Variants in GBP2 observed in about 807,000 individuals in gnomAD.
The protein encoded by GBP2 is guanylate-binding protein 2.
Under a neutral mutation model 60.8 loss-of-function variants are expected in GBP2, and 54 were observed. The observed-to-expected ratio is 0.89, with a 90% confidence interval of 0.71 to 1.11. The LOEUF is 1.11. GBP2 is among the 50% of genes most tolerant of loss of function. GBP2 has a pLI of 0.00. For synonymous variants in GBP2, 243 were observed against 256.5 expected, an observed-to-expected ratio of 0.95 and a Z score of 0.50; for missense variants, 665 against 703.3, an observed-to-expected ratio of 0.95 and a Z score of 0.62.
In GBP2 at chr1:89,112,493, C is replaced by T. The variant is rs754404117; in HGVS notation, c.1341G>A (p.Gln447=). Reference sequence around the variant, plus strand: ...TTACCTGTATCCCCTTCCTTGGCACCTGGTAGTACTTATTCTTCAGCTCCT... The same window carrying T: ...TTACCTGTATCCCCTTCCTTGGCACTTGGTAGTACTTATTCTTCAGCTCCT... ...KLQELKNKYY[Q]VPRKGIQAKE... The change falls in exon 8 of 11, where the codon CAG becomes CAA. Residue 447 remains glutamine, a synonymous_variant. Coordinates refer to ENST00000370466, the MANE Select transcript of GBP2 (RefSeq NM_004120.5). The T allele has an allele frequency of 1.9e-6, 3 of 1,614,106 alleles. 1 individual carries two copies. The South Asian group carries it at 3.3e-5, about 18-fold the overall frequency.
Position 89,121,185 on chromosome 1 carries a change from G to T in GBP2, c.276C>A (p.Thr92=). 1 of 1,612,966 alleles carries T rather than the reference G, an allele frequency of 6.2e-7. No individual in the cohort carries two copies. The highest frequency in any genetic ancestry group is 2.2e-5 in the East Asian group (1 of 44,804). The change falls in exon 3 of 11, where the codon ACC becomes ACA. Residue 92 remains threonine, a synonymous_variant. Transcript: ENST00000370466. ...GGCCCTCAGTGTCGAGCAGAACTAG[G>T]GTGTGTTCTGGCTTCTTGGGATGAG... ...CVPHPKKPEH[T]LVLLDTEGLG... is the part of the protein sequence containing the mutation.
At chr1:89,120,337 C>A in intron 3 of GBP2, 49 bp from the exon 4 acceptor site, 3 of 1,415,222 alleles carry the variant, frequency 2.1e-6, no homozygotes, top group Non-Finnish European at 2.0e-6. Context: ...GCAGAATGTA[C>A]AATCAATTCA....
At chr1:89,118,919 T>C (rs981752750) in intron 4 of GBP2, 3 of 152,204 alleles carry the variant, frequency 2.0e-5, no homozygotes, top group Admixed American at 6.5e-5. Flanking sequence ...AGGCTCAAGA[T>C]GTCTCTTACA....
intron 6 of GBP2, among the ~76,000 whole-genome samples, chr1:89,116,163 C>T (rs72961403): frequency 0.016 from 2,390 of 152,060 alleles, 72 homozygotes; most frequent in African/African-American, 0.054. Context: ...CAGGTGTTAG[C>T]CACCATGCCT....
intron 3 of GBP2, among the ~76,000 whole-genome samples, chr1:89,120,700 T>C (rs1681379518): frequency 6.6e-6 from 1 of 152,190 alleles, no homozygotes; most frequent in Non-Finnish European, 1.5e-5. Flanking sequence ...TAGTAATATA[T>C]TATCCTTAAT....
At chr1:89,120,871 C>T (rs1177260260) in intron 3 of GBP2, among the ~76,000 whole-genome samples, 1 of 152,062 alleles carries the variant, frequency 6.6e-6, no homozygotes, top group Non-Finnish European at 1.5e-5. Flanking sequence ...AGCAGCCTCA[C>T]CAAAACATTT....
At chr1:89,108,363 C>T (rs1157083819) in intron 10 of GBP2, 72 bp from the exon 11 acceptor site, 2 of 891,062 alleles carry the variant, frequency 2.2e-6, no homozygotes, top group African/African-American at 3.3e-5. Context: ...CCTTTTGGTA[C>T]TTATATTGAT....
chr1:89,121,858 G>T lies in GBP2; in HGVS notation c.109C>A (p.Pro37Thr), dbSNP rs766490853. Residue 37 changes from proline (P) to threonine (T), a missense_variant, in exon 2 of 11, where the codon CCT (proline) becomes ACT (threonine). Pro to Thr is a conservative substitution (Grantham distance 38, BLOSUM62 -1). Transcript: ENST00000370466. ...ALKILSAITQ[P>T]VVVVAIVGLY... ...CCCACAATCGCCACCACCACCACAG[G>T]CTGCGTAATTGCAGATAGGATCTTC... 8 of 1,614,006 alleles carry T rather than the reference G, an allele frequency of 5.0e-6. No individual in the cohort carries two copies. The highest frequency in any genetic ancestry group is 1.7e-5 in the Admixed American group (1 of 60,002).
At chr1:89,115,948 C>T (rs1274041382) in intron 6 of GBP2, among the ~76,000 whole-genome samples, 2 of 152,044 alleles carry the variant, frequency 1.3e-5, no homozygotes, top group Non-Finnish European at 2.9e-5. Context: ...TATGCATTTC[C>T]ACATTACATT....
chr1:89,113,699 G>A (rs1681210371), intron 7 of GBP2, among the ~76,000 whole-genome samples: 1 of 152,008 alleles, frequency 6.6e-6, no homozygotes, highest in Non-Finnish European at 1.5e-5. Flanking sequence ...ATAATTACCA[G>A]GGAACATAAA....
chr1:89,120,561 A>G (rs368164382), intron 3 of GBP2, among the ~76,000 whole-genome samples: 26 of 152,208 alleles, frequency 1.7e-4, no homozygotes, highest in African/African-American at 6.0e-4. Context: ...CTAAAATTCA[A>G]ACTGGTACCC....
chr1:89,115,012 C>T (rs868166945), intron 6 of GBP2, among the ~76,000 whole-genome samples: 13 of 152,128 alleles, frequency 8.5e-5, no homozygotes, highest in African/African-American at 1.2e-4. Context: ...TAATGCCTAT[C>T]TTATATTCCT....
At chr1:89,123,082 G>C (rs1006615272) in intron 1 of GBP2, among the ~76,000 whole-genome samples, 5 of 152,120 alleles carry the variant, frequency 3.3e-5, no homozygotes, top group Admixed American at 3.3e-4. Flanking sequence ...GCTCCTTCAA[G>C]CTGTAGCCCA....
rs754433571 is a variant in GBP2, at chr1:89,117,702, G to T, written c.500C>A (p.Ala167Asp). ...SPGNNSVDDS[A>D]DFVSFFPAFV... Reference sequence around the variant, plus strand: ...TGCTGGAAAAAAGCTCACAAAGTCAGCTGAGTCGTCTACAGAATTGTTACC... The same window carrying T: ...TGCTGGAAAAAAGCTCACAAAGTCATCTGAGTCGTCTACAGAATTGTTACC... Residue 167 changes from alanine to aspartate, a missense_variant, in exon 5 of 11, where the codon GCT (alanine) becomes GAT (aspartate). Ala to Asp is a moderately radical substitution (Grantham distance 126). Coordinates refer to ENST00000370466, the MANE Select transcript of GBP2 (RefSeq NM_004120.5). The T allele has an allele frequency of 2.5e-6, 4 of 1,614,084 alleles. No individual in the cohort carries two copies. The highest frequency in any genetic ancestry group is 1.7e-6 in the Non-Finnish European group (2 of 1,179,972).
intron 6 of GBP2, 27 bp from the exon 7 acceptor site, chr1:89,114,323 G>T: frequency 6.2e-7 from 1 of 1,606,910 alleles, no homozygotes; most frequent in African/African-American, 1.3e-5. Flanking sequence ...TTAAAAAAAT[G>T]TGACTATCAG....
At chr1:89,110,726 GA>G (rs1213066586) in intron 8 of GBP2, among the ~76,000 whole-genome samples, 1 of 152,108 alleles carries the variant, frequency 6.6e-6, no homozygotes, top group Non-Finnish European at 1.5e-5. Context: ...TGGGAAAGGA[GA>G]GGGGGCAAGG....
chr1:89,121,980 T>G lies in GBP2; in HGVS notation c.-14A>C. Reference sequence around the variant, plus strand: ...CTCTGGAGCCATGTCCAGGGTGTTGTTCCCTTGTGTGCAAGGAAAAAGATG... The same window carrying G: ...CTCTGGAGCCATGTCCAGGGTGTTGGTCCCTTGTGTGCAAGGAAAAAGATG... On this transcript the variant is annotated 5_prime_UTR_variant, in exon 2 of 11. Transcript: ENST00000370466. The G allele has an allele frequency of 6.3e-7, 1 of 1,596,130 alleles. No individual in the cohort carries two copies. Among genetic ancestry groups the G allele is most frequent in the South Asian group, 1.1e-5 (1 of 89,312 alleles).
At chr1:89,123,464 T>C (rs6678777) in intron 1 of GBP2, among the ~76,000 whole-genome samples, 111,791 of 152,106 alleles carry the variant, frequency 0.73, 41,361 homozygotes, top group African/African-American at 0.8. Context: ...GTTTTTAAAA[T>C]CTTTTCTCTG....
In GBP2 at chr1:89,106,719, T is replaced by G. The variant is rs955099499; in HGVS notation, c.*1456A>C. On this transcript the variant is annotated 3_prime_UTR_variant, in exon 11 of 11. Transcript: ENST00000370466. ...CCAAAAGTAGAAGACAAAAATACTC[T>G]AATTCTCAGACTTTCCCATGGGTAG... 1 of 152,262 alleles carries G rather than the reference T, an allele frequency of 6.6e-6. No individual in the cohort carries two copies. The highest frequency in any genetic ancestry group is 2.4e-5 in the African/African-American group (1 of 41,470). 9.4% of individuals were successfully genotyped at this position (152,262 alleles called of 1,614,324 possible). A position where few individuals can be genotyped will look rare whatever the true frequency, so the allele number is the denominator to read the frequency against.
Sources: gnomAD v4.1 joint callset for allele counts (sites outside exome capture counted in the v4.1 genomes callset) on GRCh38, gnomAD v4.1.1 for gene constraint, MANE v1.5 for transcripts, NCBI Gene and HGNC (gene_info 2026-07-23, HGNC 2026-07-21) for gene names.